ALK: variants seen among roughly 807,000 people sequenced by gnomAD.
ALK encodes the protein ALK tyrosine kinase receptor.
A neutral mutation model predicts 163.1 loss-of-function variants in ALK; 74 were observed. The observed-to-expected ratio is 0.45, with a 90% CI of 0.38 to 0.55. The LOEUF is 0.55. Among genes scored for constraint, ALK ranks in the 20% least tolerant of loss-of-function variants. The pLI is 0.00. For missense variants in ALK, 2,063 were observed against 2,105.3 expected (o/e 0.98, Z 0.39); for synonymous variants, 960 against 843.2 (o/e 1.14, Z -2.40).
chr2:29,226,856 A>G, intron 18 of ALK, 66 bp downstream of exon 18: 1 of 1,601,058 alleles, frequency 6.2e-7, no homozygotes, highest in South Asian at 1.1e-5. Context: ...CCCAGAAACC[A>G]TTTGTGGTCA....
At chr2:29,359,036 C>A (rs1403457829) in intron 5 of ALK, among the ~76,000 whole-genome samples, 1 of 151,844 alleles carries the variant, frequency 6.6e-6, no homozygotes. Flanking sequence ...GTTAAAAATA[C>A]CGTGTTGTGC....
chr2:29,697,795 A>G (rs1034595039), intron 2 of ALK, among the ~76,000 whole-genome samples: 3 of 152,194 alleles, frequency 2.0e-5, no homozygotes, highest in African/African-American at 7.2e-5. Flanking sequence ...TTCTGAGGCT[A>G]CTACTACCCC....
At chr2:29,577,139 G>T (rs1448643555) in intron 3 of ALK, among the ~76,000 whole-genome samples, 3 of 152,078 alleles carry the variant, frequency 2.0e-5, no homozygotes, top group Non-Finnish European at 4.4e-5. Context: ...GCCCATGCAT[G>T]GCACCCGCCT....
At chr2:29,377,019 A>C (rs1324461425) in intron 5 of ALK, among the ~76,000 whole-genome samples, 1 of 152,216 alleles carries the variant, frequency 6.6e-6, no homozygotes, top group Non-Finnish European at 1.5e-5. Context: ...GCCAGAACCC[A>C]CCTGGACAAG....
At chr2:29,751,263 A>C (rs1038671828) in intron 1 of ALK, among the ~76,000 whole-genome samples, 6 of 152,142 alleles carry the variant, frequency 3.9e-5, no homozygotes, top group Admixed American at 1.3e-4. Flanking sequence ...ACTCCTGTAC[A>C]TTTTAGAAAC....
intron 4 of ALK, among the ~76,000 whole-genome samples, chr2:29,429,826 C>T (rs1670230795): frequency 6.6e-6 from 1 of 152,090 alleles, no homozygotes; most frequent in Non-Finnish European, 1.5e-5. Context: ...TCAAAACTTA[C>T]TGCAGTGTAA....
rs986515803 is a variant in ALK, at chr2:29,377,760, T to C, written c.1282+5972A>G. Among the ~76,000 whole-genome samples, 4 of 152,176 alleles carry C rather than the reference T, an allele frequency of 2.6e-5. No individual in the cohort carries two copies. In the South Asian group the frequency reaches 6.2e-4, roughly 24 times the overall value. On this transcript the variant is annotated intron_variant, in intron 5 of 28. Coordinates refer to ENST00000389048, the MANE Select transcript of ALK (RefSeq NM_004304.5). ...ATGGTATTTGTGCATCTCAGACTCT[T>C]TGGGGACATGTGTTTCAAGGTATCC...
chr2:29,228,945 T>A lies in ALK; in HGVS notation c.2754A>T (p.Arg918Ser), dbSNP rs770236199. The A allele has an allele frequency of 7.5e-5, 28 of 373,196 alleles. No individual in the cohort carries two copies. Among genetic ancestry groups the A allele is most frequent in the Non-Finnish European group, 1.1e-4 (28 of 249,972 alleles). 23.1% of individuals were successfully genotyped at this position (373,196 alleles called of 1,614,324 possible). A position where few individuals can be genotyped will look rare whatever the true frequency, so the allele number is the denominator to read the frequency against. The change falls in exon 16 of 29, where the codon AGA (arginine) becomes AGT (serine). Residue 918 changes from arginine to serine, a missense_variant. This residue lies in a region of ALK where 575 missense variants were observed against 626.6 expected (regional missense o/e 0.92). Transcript: ENST00000389048. The stretch of plus-strand genomic sequence containing the variant: ...CCCCTCCACCCCCTCCGAAACCCCC[T>A]CTTGTCTCCCACCCCCACTTCTTCA... ...QAMKKWGWET[R>S]GGFGGGGGGC...
chr2:29,737,405 T>C (rs76738500), intron 1 of ALK, among the ~76,000 whole-genome samples: 1 of 152,090 alleles, frequency 6.6e-6, no homozygotes, highest in Non-Finnish European at 1.5e-5. Flanking sequence ...CTGCAGTTGG[T>C]GCTGATTTTA....
intron 1 of ALK, among the ~76,000 whole-genome samples, chr2:29,860,471 A>G (rs2148406442): frequency 6.6e-6 from 1 of 152,296 alleles, no homozygotes; most frequent in African/African-American, 2.4e-5. Context: ...TTCTTGGATT[A>G]CACAGGCAGA....
chr2:29,359,185 A>C lies in ALK; in HGVS notation c.1282+24547T>G, dbSNP rs372169400. Among the ~76,000 whole-genome samples, 12 of 152,350 alleles carry C rather than the reference A, an allele frequency of 7.9e-5. 1 individual carries two copies. The highest frequency in any genetic ancestry group is 2.9e-4 in the African/African-American group (12 of 41,574). ...CCAGAATGTAAAGGAGCCTTTAGAAAAACTAACACTGCAGCATCCACACAC... is the reference window on the plus strand; with the variant it reads ...CCAGAATGTAAAGGAGCCTTTAGAACAACTAACACTGCAGCATCCACACAC... On this transcript the variant is annotated intron_variant, in intron 5 of 28. Coordinates refer to ENST00000389048, the MANE Select transcript of ALK (RefSeq NM_004304.5).
chr2:29,393,295 C>A (rs1669224791), intron 4 of ALK, among the ~76,000 whole-genome samples: 1 of 152,200 alleles, frequency 6.6e-6, no homozygotes, highest in Admixed American at 6.5e-5. Context: ...TGTCTCTCGC[C>A]CCTCTTTCTC....
In ALK at chr2:29,299,067, C is replaced by T. The variant is rs142860227; in HGVS notation, c.1648-2010G>A. On this transcript the variant is annotated intron_variant, in intron 8 of 28. Coordinates refer to ENST00000389048, the MANE Select transcript of ALK (RefSeq NM_004304.5). ...TGAACAGCTGGGATGTAACTGCTGC[C>T]GCTAGTTACTTGTTGCTCATTCTCT... Among the ~76,000 whole-genome samples, 396 of 152,278 alleles carry T rather than the reference C, an allele frequency of 2.6e-3. 1 individual carries two copies. Among genetic ancestry groups the T allele is most frequent in the African/African-American group, 7.5e-3 (310 of 41,540 alleles).
intron 1 of ALK, among the ~76,000 whole-genome samples, chr2:29,803,981 A>G (rs1664549130): frequency 6.6e-6 from 1 of 152,248 alleles, no homozygotes; most frequent in Admixed American, 6.5e-5. Flanking sequence ...GATGGGAGAC[A>G]TAATATACAT....
chr2:29,643,263 A>C (rs1318324160), intron 3 of ALK, among the ~76,000 whole-genome samples: 1 of 152,210 alleles, frequency 6.6e-6, no homozygotes, highest in Admixed American at 6.5e-5. Context: ...AGCAAGATAC[A>C]TCACCAGGAA....
chr2:29,398,886 A>G (rs1364391484), intron 4 of ALK, among the ~76,000 whole-genome samples: 1 of 152,158 alleles, frequency 6.6e-6, no homozygotes, highest in Non-Finnish European at 1.5e-5. Context: ...CTCTGATTCA[A>G]AGCGCTGGTG....
intron 4 of ALK, among the ~76,000 whole-genome samples, chr2:29,394,693 G>A (rs1669261183): frequency 6.6e-6 from 1 of 152,158 alleles, no homozygotes; most frequent in Non-Finnish European, 1.5e-5. Context: ...TAGAGTCCCA[G>A]GTGATCATTT....
chr2:29,530,019 G>T (rs1673076649), intron 4 of ALK, among the ~76,000 whole-genome samples: 1 of 151,346 alleles, frequency 6.6e-6, no homozygotes, highest in South Asian at 2.1e-4. Context: ...GCAAGTCCCA[G>T]GGCTCATTTG....
chr2:29,731,833 T>G lies in ALK; in HGVS notation c.668-14136A>C, dbSNP rs1023090755. 5.9e-4 allele frequency among the ~76,000 whole-genome samples: 90 copies of G among 152,252 alleles called. 4 individuals are homozygous for G. On this transcript the variant is annotated intron_variant, in intron 1 of 28. Coordinates refer to ENST00000389048, the MANE Select transcript of ALK (RefSeq NM_004304.5). ...GAACCATGGGCTAATTGGATAATAC[T>G]ACATCTATCTCTTATAATTGTGGAC...
Sources: allele counts gnomAD v4.1 joint callset (sites outside exome capture counted in the v4.1 genomes callset), GRCh38; gene constraint gnomAD v4.1.1; regional missense constraint gnomAD v4.1.1; transcripts MANE v1.5; gene names NCBI Gene and HGNC (gene_info 2026-07-23, HGNC 2026-07-21).